The following IGSF22 variants were observed in gnomAD, a reference collection of about 807,000 sequenced individuals.
IGSF22 encodes immunoglobulin superfamily member 22.
In IGSF22, 119 loss-of-function variants were observed where a neutral mutation model predicts 127.0. The ratio of observed to expected loss-of-function variants is 0.94; its 90% CI spans 0.81 to 1.09. IGSF22 has a LOEUF of 1.09. Ranked by LOEUF, IGSF22 falls within the 50% of genes least tolerant of loss-of-function variation. The pLI is 0.00. For synonymous variants in IGSF22, 568 were observed against 664.7 expected (o/e 0.85, Z 2.24); for missense variants, 1,518 against 1,716.6 (o/e 0.88, Z 2.04).
In IGSF22 at chr11:18,706,396, T is replaced by C. The variant is rs947207001; in HGVS notation, c.3581-250A>G. 5 of 467,694 alleles carry C rather than the reference T, an allele frequency of 1.1e-5. No individual in the cohort carries two copies. In the East Asian group the frequency reaches 1.7e-4, roughly 16 times the overall value. The allele number at this position is 467,694 out of a possible 1,614,324, so 29.0% of individuals were successfully genotyped here. ...CCCAAACCACGCTTTCCCACACCCC[T>C]GGGGCCGAGATGTCATTCCAGCGCC... On this transcript the variant is annotated intron_variant, in intron 21 of 22. Transcript: ENST00000513874.
Position 18,705,824 on chromosome 11 carries a change from G to A in IGSF22, c.3903C>T (p.Thr1301=), listed in dbSNP as rs1169194909. The A allele has an allele frequency of 1.3e-6, 2 of 1,545,536 alleles. No homozygotes were observed. The highest frequency in any genetic ancestry group is 2.4e-5 in the East Asian group (1 of 40,858). Residue 1301 remains threonine (T), a synonymous_variant, in exon 22 of 23, where the codon ACC becomes ACT. Coordinates refer to ENST00000513874, the MANE Select transcript of IGSF22 (RefSeq NM_173588.4). ...ACCCCGCGGCGCCCTCACCATAGACGGTGAGCGTGCAGCTGCTGCGGTCCT... is the reference window on the plus strand; with the variant it reads ...ACCCCGCGGCGCCCTCACCATAGACAGTGAGCGTGCAGCTGCTGCGGTCCT... ...LGKDRSSCTL[T]VYDKDDKSVV... is the part of the protein sequence containing the mutation.
In IGSF22 at chr11:18,722,049, G is replaced by T; in HGVS notation, c.110-8C>A. Reference sequence around the variant, plus strand: ...TCCTCCTCACGACCTCCTCTGTGGGGGCAGGCGAGAGGTCAGAATGGGCTC... The same window carrying T: ...TCCTCCTCACGACCTCCTCTGTGGGTGCAGGCGAGAGGTCAGAATGGGCTC... On this transcript the variant is annotated splice_region_variant and splice_polypyrimidine_tract_variant and intron_variant, in intron 2 of 22. Coordinates refer to ENST00000513874, the MANE Select transcript of IGSF22 (RefSeq NM_173588.4). 3.7e-6 allele frequency: 6 copies of T among 1,613,666 alleles called. No individual in the cohort carries two copies. The highest frequency in any genetic ancestry group is 5.1e-6 in the Non-Finnish European group (6 of 1,180,020).
chr11:18,717,938 T>C lies in IGSF22; in HGVS notation c.966A>G (p.Thr322=). Residue 322 remains threonine (T), a synonymous_variant, in exon 9 of 23, where the codon ACA becomes ACG. Coordinates refer to ENST00000513874, the MANE Select transcript of IGSF22 (RefSeq NM_173588.4). ...VGDKRMSAEL[T]VLDEPLKFLG... Reference sequence around the variant, plus strand: ...GCATGCCCCCACTCATACCCAGCACTGTGAGCTCTGCACTCATCCGCTTAT... The same window carrying C: ...GCATGCCCCCACTCATACCCAGCACCGTGAGCTCTGCACTCATCCGCTTAT... The C allele has an allele frequency of 6.2e-7, 1 of 1,613,876 alleles. No individual in the cohort carries two copies. The highest frequency in any genetic ancestry group is 8.5e-7 in the Non-Finnish European group (1 of 1,179,834).
Position 18,719,833 on chromosome 11 carries a change from C to T in IGSF22, c.579G>A (p.Glu193=), listed in dbSNP as rs759777039. ...CTTTCTTGGGCACTTTGGACAAAAT[C>T]TCCAGCATCTCTTTCTCATTTGCCA... ...KKVANEKEML[E]ILSKVPKKDF... Residue 193 remains glutamate (E), a synonymous_variant, in exon 7 of 23, where the codon GAG becomes GAA. Coordinates refer to ENST00000513874, the MANE Select transcript of IGSF22 (RefSeq NM_173588.4). 12 of 1,614,102 alleles carry T rather than the reference C, an allele frequency of 7.4e-6. No homozygotes were observed. Among genetic ancestry groups the T allele is most frequent in the Non-Finnish European group, 2.5e-6 (3 of 1,180,044 alleles).
chr11:18,704,649 A>C (rs2134153330), intron 22 of IGSF22, 111 bp from the exon 23 acceptor site: 1 of 718,032 alleles, frequency 1.4e-6, no homozygotes, highest in East Asian at 2.7e-5. Context: ...TGGGACCCTT[A>C]ATCTTGGGTT....
At chr11:18,704,614 A>G in intron 22 of IGSF22, 76 bp from the exon 23 acceptor site, 3 of 949,144 alleles carry the variant, frequency 3.2e-6, no homozygotes, top group East Asian at 5.3e-5. Flanking sequence ...TGGACTTCCT[A>G]TGCAGGAAAC....
At position 18,707,186 on chromosome 11, in the gene IGSF22, C is replaced by T. The variant is rs528914621; in HGVS notation, c.3308G>A (p.Arg1103Gln). The change falls in exon 21 of 23, where the codon CGG (arginine) becomes CAG (glutamine). Residue 1103 changes from arginine to glutamine, a missense_variant. Arg to Gln is a conservative substitution (Grantham distance 43, BLOSUM62 1). This residue lies in a region of IGSF22 where 1,456 missense variants were observed against 1,644.9 expected (regional missense o/e 0.89). Transcript: ENST00000513874. ...ADFPRPPTNL[R>Q]LFEEVPNTVT... The stretch of plus-strand genomic sequence containing the variant: ...TGTGTTGGGGACTTCCTCAAACAAC[C>T]GTAGGTTTGTGGGGGGCCGAGGGAA... The T allele has an allele frequency of 1.6e-5, 24 of 1,541,986 alleles. No homozygotes were observed. The South Asian group carries it at 1.6e-4, about 10-fold the overall frequency.
intron 22 of IGSF22, 178 bp from the exon 23 acceptor site, chr11:18,704,716 C>T: frequency 1.7e-6 from 1 of 598,166 alleles, no homozygotes; most frequent in Non-Finnish European, 3.0e-6. Flanking sequence ...ATTTGCCAGA[C>T]ATTGTGCCAG....
At chr11:18,719,587 A>G in intron 7 of IGSF22, 129 bp downstream of exon 7, 1 of 850,326 alleles carries the variant, frequency 1.2e-6, no homozygotes, top group Non-Finnish European at 1.8e-6. Context: ...TTCACAGTGG[A>G]GAGTACGCCT....
In IGSF22 at chr11:18,714,049, C is replaced by T; in HGVS notation, c.1898G>A (p.Gly633Glu). ...HTAHIKVPFR[G>E]KPLPKVTWYK... Reference sequence around the variant, plus strand: ...CCATGTCACTTTGGGCAGTGGTTTTCCCCGGAAGGGGACCTTGATGTGGGC... The same window carrying T: ...CCATGTCACTTTGGGCAGTGGTTTTTCCCGGAAGGGGACCTTGATGTGGGC... The change falls in exon 14 of 23, where the codon GGA (glycine) becomes GAA (glutamate). Residue 633 changes from glycine to glutamate, a missense_variant. Around this residue, in one of 3 missense-constraint regions of IGSF22, gnomAD observed 1,456 missense variants for 1,644.9 expected, o/e 0.89. Transcript: ENST00000513874. 6.2e-7 allele frequency: 1 copy of T among 1,614,276 alleles called. No homozygotes were observed. The highest frequency in any genetic ancestry group is 1.3e-5 in the African/African-American group (1 of 75,072).
In IGSF22 at chr11:18,706,156, C is replaced by A; in HGVS notation, c.3581-10G>T. ...GCGCTCAGGTCCTGGACTGCGCGGG[C>A]GGGGCGGGGCAGGCCGTGAGGGCGC... On this transcript the variant is annotated splice_polypyrimidine_tract_variant and intron_variant, in intron 21 of 22. Transcript: ENST00000513874. The A allele has an allele frequency of 1.3e-6, 2 of 1,527,986 alleles. No individual in the cohort carries two copies. Among genetic ancestry groups the A allele is most frequent in the African/African-American group, 2.7e-5 (2 of 72,790 alleles). 94.7% of individuals were successfully genotyped at this position (1,527,986 alleles called of 1,614,324 possible).
In IGSF22 at chr11:18,709,781, C is replaced by T. The variant is rs1220376031; in HGVS notation, c.2702-98G>A. The T allele has an allele frequency of 1.6e-6, 2 of 1,223,076 alleles. No individual in the cohort carries two copies. Among genetic ancestry groups the T allele is most frequent in the Admixed American group, 2.3e-5 (1 of 44,066 alleles). The allele number at this position is 1,223,076 out of a possible 1,614,324, so 75.8% of individuals were successfully genotyped here. On this transcript the variant is annotated intron_variant, in intron 17 of 22. Coordinates refer to ENST00000513874, the MANE Select transcript of IGSF22 (RefSeq NM_173588.4). This position sits in a 1 kb window ranked among gnomAD's most constrained non-coding sequence, Gnocchi z 4.8. ...CAATACTCCTGAACCCCATCCTTCACTACTTCTAGCTCCAGATCCCTCAGT... is the reference window on the plus strand; with the variant it reads ...CAATACTCCTGAACCCCATCCTTCATTACTTCTAGCTCCAGATCCCTCAGT...
chr11:18,723,347 G>A (rs1257718610), intron 2 of IGSF22, among the ~76,000 whole-genome samples: 1 of 152,234 alleles, frequency 6.6e-6, no homozygotes, highest in African/African-American at 2.4e-5. Context: ...GGAACTTCTG[G>A]TCTAGACCAT....
chr11:18,704,688 AT>A, intron 22 of IGSF22, 150 bp from the exon 23 acceptor site: 1 of 631,564 alleles, frequency 1.6e-6, no homozygotes, highest in Non-Finnish European at 2.9e-6. Flanking sequence ...AAGAGCTGCC[AT>A]TTATCTAGCA....
At chr11:18,718,844 T>G in intron 7 of IGSF22, 116 bp from the exon 8 acceptor site, 1 of 682,734 alleles carries the variant, frequency 1.5e-6, no homozygotes, top group Non-Finnish European at 2.6e-6. Flanking sequence ...CTAGGCTCAT[T>G]AGATAACAAC....
chr11:18,712,510 C>T (rs1848376468), intron 14 of IGSF22, 126 bp from the exon 15 acceptor site: 1 of 814,626 alleles, frequency 1.2e-6, no homozygotes, highest in African/African-American at 1.7e-5. Flanking sequence ...GATCCTTTGC[C>T]CCTCCCTGTG....
In IGSF22 at chr11:18,704,519, A is replaced by G. The variant is rs1187168351; in HGVS notation, c.3930T>C (p.Val1310=). ...GCAGACTCTCGGTGATGGATGCTAC[A>G]ACTGACTTATCATCTTTGTCTGAAA... is the stretch of plus-strand genomic sequence containing the variant. The part of the protein sequence containing the change: ...LTVYDKDDKS[V]VASITESLQK... The change falls in exon 23 of 23, where the codon GTT becomes GTC. Residue 1310 remains valine (V), a synonymous_variant. Transcript: ENST00000513874. 6.5e-6 allele frequency: 10 copies of G among 1,549,962 alleles called. No homozygotes were observed. The highest frequency in any genetic ancestry group is 8.7e-7 in the Non-Finnish European group (1 of 1,146,076).
rs1009255367 is a variant in IGSF22 at position 18,704,366 on chromosome 11, A to G, written c.*102T>C. 66 of 754,822 alleles carry G rather than the reference A, an allele frequency of 8.7e-5. No homozygotes were observed. The highest frequency in any genetic ancestry group is 1.5e-4 in the South Asian group (10 of 67,510). 46.8% of individuals were successfully genotyped at this position (754,822 alleles called of 1,614,324 possible). A position where few individuals can be genotyped will look rare whatever the true frequency, so the allele number is the denominator to read the frequency against. On this transcript the variant is annotated 3_prime_UTR_variant, in exon 23 of 23. Transcript: ENST00000513874. ...CTTCACTGAATGTTTACATTAACAAACACCAGAGAGCAAACTGGGCTTCCT... is the reference window on the plus strand; with the variant it reads ...CTTCACTGAATGTTTACATTAACAAGCACCAGAGAGCAAACTGGGCTTCCT...
At chr11:18,721,471 G>A (rs2134168967) in intron 4 of IGSF22, 64 bp downstream of exon 4, 1 of 1,608,536 alleles carries the variant, frequency 6.2e-7, no homozygotes, top group Non-Finnish European at 8.5e-7. Context: ...AAGACTGGCG[G>A]CCCGCCCTGG....
Sources: gnomAD v4.1 joint callset for allele counts (sites outside exome capture counted in the v4.1 genomes callset) on GRCh38, gnomAD v4.1.1 for gene constraint, gnomAD v4.1.1 regional missense constraint, Gnocchi (gnomAD v3.1) non-coding constraint, MANE v1.5 for transcripts, NCBI Gene and HGNC (gene_info 2026-07-23, HGNC 2026-07-21) for gene names.